UNC5C: variants seen among roughly 807,000 people sequenced by gnomAD.
UNC5C encodes netrin receptor UNC5C.
In UNC5C, 47 loss-of-function variants were observed where a neutral mutation model predicts 99.8. That is an observed-to-expected ratio of 0.47 (90% CI 0.37 to 0.60). The LOEUF (loss-of-function observed/expected upper bound fraction) is 0.60. Ranked by LOEUF, UNC5C falls within the 20% of genes least tolerant of loss-of-function variation. The pLI, the probability that UNC5C is intolerant of heterozygous loss-of-function variation, is 0.00. For synonymous variants in UNC5C, 487 were observed against 452.2 expected, an observed-to-expected ratio of 1.08 and a Z score of -0.98; for missense variants, 1,062 against 1,165.9, an observed-to-expected ratio of 0.91 and a Z score of 1.30.
At chr4:95,545,770 GCGCA>G (rs1434227809) in intron 1 of UNC5C, among the ~76,000 whole-genome samples, 49 of 130,598 alleles carry the variant, frequency 3.8e-4, no homozygotes, top group African/African-American at 1.3e-3. Context: ...ACGCGCGCGC[GCGCA>G]CACACACACA....
intron 4 of UNC5C, among the ~76,000 whole-genome samples, chr4:95,269,920 G>A (rs558771702): frequency 6.6e-6 from 1 of 152,074 alleles, no homozygotes; most frequent in Non-Finnish European, 1.5e-5. Flanking sequence ...TCACCATGTT[G>A]GTCAGGCTGG....
chr4:95,278,578 G>A (rs11097461), intron 3 of UNC5C, among the ~76,000 whole-genome samples: 4 of 151,504 alleles, frequency 2.6e-5, no homozygotes, highest in Non-Finnish European at 4.4e-5. Flanking sequence ...GGGCTCAAGC[G>A]ATCCTCCTGC....
rs1446300689 is a variant in UNC5C, at chr4:95,169,214, T to C, written c.*20A>G. 6.2e-7 allele frequency: 1 copy of C among 1,612,002 alleles called. No homozygotes were observed. The highest frequency in any genetic ancestry group is 8.5e-7 in the Non-Finnish European group (1 of 1,178,476). On this transcript the variant is annotated 3_prime_UTR_variant, in exon 16 of 16. Coordinates refer to ENST00000453304, the MANE Select transcript of UNC5C (RefSeq NM_003728.4). ...CTCCCTGTGCATTTTTGTCCTTCATTTCCCCTTCCAGCATGGTGGTTAATA... is the reference window on the plus strand; with the variant it reads ...CTCCCTGTGCATTTTTGTCCTTCATCTCCCCTTCCAGCATGGTGGTTAATA...
chr4:95,420,217 G>T (rs1483263319), intron 1 of UNC5C, among the ~76,000 whole-genome samples: 1 of 152,062 alleles, frequency 6.6e-6, no homozygotes, highest in East Asian at 1.9e-4. Context: ...TATGATGAAA[G>T]CTCATTGAAC....
intron 2 of UNC5C, among the ~76,000 whole-genome samples, chr4:95,333,972 G>T (rs554700266): frequency 5.9e-5 from 9 of 152,062 alleles, no homozygotes; most frequent in Non-Finnish European, 1.3e-4. Flanking sequence ...CAAGAGGTGG[G>T]ACAATTCCCT....
At chr4:95,445,970 A>AC (rs113106892) in intron 1 of UNC5C, among the ~76,000 whole-genome samples, 37,640 of 149,876 alleles carry the variant, frequency 0.25, 4,966 homozygotes, top group Non-Finnish European at 0.3. Context: ...CTGCAAAAAA[A>AC]ACAAAACAAA....
intron 3 of UNC5C, among the ~76,000 whole-genome samples, chr4:95,301,195 ATTTTTT>A (rs34905310): frequency 1.0e-4 from 13 of 125,846 alleles, no homozygotes; most frequent in African/African-American, 1.5e-4. Context: ...TTTTTCCAGG[ATTTTTT>A]TTTTTTTTTT....
intron 8 of UNC5C, 42 bp downstream of exon 8, chr4:95,219,943 A>G: frequency 6.3e-7 from 1 of 1,584,652 alleles, no homozygotes; most frequent in African/African-American, 1.3e-5. Context: ...GAAACTGCTT[A>G]CATGCATAAG....
chr4:95,210,853 A>G (rs1293347631), intron 10 of UNC5C, among the ~76,000 whole-genome samples: 1 of 152,220 alleles, frequency 6.6e-6, no homozygotes, highest in African/African-American at 2.4e-5. Context: ...TCAAGAGTGC[A>G]TAATTTACAA....
At chr4:95,406,507 G>A (rs1745835885) in intron 1 of UNC5C, among the ~76,000 whole-genome samples, 1 of 152,154 alleles carries the variant, frequency 6.6e-6, no homozygotes, top group Admixed American at 6.5e-5. Flanking sequence ...CCTGACAACT[G>A]TAGTTTAGGC....
chr4:95,466,786 T>C (rs534232788), intron 1 of UNC5C, among the ~76,000 whole-genome samples: 341 of 152,288 alleles, frequency 2.2e-3, no homozygotes, highest in Non-Finnish European at 2.9e-3. Flanking sequence ...GATATTTTCT[T>C]TCTTAAGAAA....
chr4:95,497,799 C>A (rs912406647), intron 1 of UNC5C, among the ~76,000 whole-genome samples: 12 of 151,872 alleles, frequency 7.9e-5, no homozygotes, highest in African/African-American at 2.7e-4. Context: ...ATAAGAAAAC[C>A]ATTTTTATCT....
intron 1 of UNC5C, among the ~76,000 whole-genome samples, chr4:95,383,224 C>T (rs755267257): frequency 2.6e-5 from 4 of 151,960 alleles, no homozygotes; most frequent in Non-Finnish European, 2.9e-5. Context: ...CAGCAAAGGA[C>T]ACATCAGTTA....
intron 14 of UNC5C, among the ~76,000 whole-genome samples, chr4:95,179,448 T>G (rs918202163): frequency 1.3e-5 from 2 of 152,120 alleles, no homozygotes; most frequent in African/African-American, 4.8e-5. Flanking sequence ...AATCTATTAT[T>G]AAAGTAAAGT....
chr4:95,453,518 A>T (rs1164636261), intron 1 of UNC5C, among the ~76,000 whole-genome samples: 2 of 152,094 alleles, frequency 1.3e-5, no homozygotes, highest in Non-Finnish European at 2.9e-5. Flanking sequence ...GAAAAAACAA[A>T]AAAGAAACAG....
intron 1 of UNC5C, among the ~76,000 whole-genome samples, chr4:95,345,659 T>C (rs1743744357): frequency 6.6e-6 from 1 of 152,016 alleles, no homozygotes; most frequent in Non-Finnish European, 1.5e-5. Context: ...AAGTATCTTC[T>C]CTGACTATAA....
intron 1 of UNC5C, among the ~76,000 whole-genome samples, chr4:95,507,551 T>C (rs1721957665): frequency 6.6e-6 from 1 of 152,042 alleles, no homozygotes; most frequent in South Asian, 2.1e-4. Flanking sequence ...TCTACACACT[T>C]GTAGCACTTA....
intron 14 of UNC5C, among the ~76,000 whole-genome samples, chr4:95,182,538 G>T (rs1736654583): frequency 6.6e-6 from 1 of 152,064 alleles, no homozygotes; most frequent in Non-Finnish European, 1.5e-5. Flanking sequence ...ATGGAGGATG[G>T]GGGAACATGG....
rs1028935328 is a variant in UNC5C at position 95,163,164 on chromosome 4, A to C, written c.*6070T>G. 2.6e-5 allele frequency: 4 copies of C among 152,244 alleles called. No homozygotes were observed. In the East Asian group the frequency reaches 7.7e-4, roughly 29 times the overall value. The allele number at this position is 152,244 out of a possible 1,614,324, so 9.4% of individuals were successfully genotyped here. A position where few individuals can be genotyped will look rare whatever the true frequency, so the allele number is the denominator to read the frequency against. On this transcript the variant is annotated 3_prime_UTR_variant, in exon 16 of 16. Coordinates refer to ENST00000453304, the MANE Select transcript of UNC5C (RefSeq NM_003728.4). ...TAGGAAAGCGTGAAGAAGAGAATGC[A>C]AATCACTTGTTCCACTGTTCTGACT... is the stretch of plus-strand genomic sequence containing the variant.
Sources: allele counts gnomAD v4.1 joint callset (sites outside exome capture counted in the v4.1 genomes callset), GRCh38; gene constraint gnomAD v4.1.1; transcripts MANE v1.5; gene names NCBI Gene and HGNC (gene_info 2026-07-23, HGNC 2026-07-21).